The following PCDH15 variants were observed in gnomAD, a reference collection of about 807,000 sequenced individuals.
PCDH15 encodes the protein protocadherin related 15.
In PCDH15, 129 loss-of-function variants were observed where a neutral mutation model predicts 178.5. The observed-to-expected ratio is 0.72, with a 90% CI of 0.63 to 0.84. PCDH15 has a LOEUF of 0.84. PCDH15 is among the 40% of genes least tolerant of loss of function. The probability of loss-of-function intolerance (pLI) is 0.00; values close to 1 mark genes in which losing one functional copy is unlikely to be tolerated. For missense variants in PCDH15, 2,230 were observed against 2,099.9 expected (o/e 1.06, Z -1.21); for synonymous variants, 800 against 732.0 (o/e 1.09, Z -1.50).
Position 53,836,775 on chromosome 10 carries a change from T to C in PCDH15, c.3983+3545A>G, listed in dbSNP as rs148821616. ...CCTACAAAATATAAAACAACCATTT[T>C]CAAGAAATGAAGTAACAGAGCCAGA... On this transcript the variant is annotated intron_variant, in intron 29 of 37. Transcript: ENST00000644397. Among the ~76,000 whole-genome samples the C allele has an allele frequency of 3.3e-5, 5 of 152,258 alleles. No homozygotes were observed. In the East Asian group the frequency reaches 7.7e-4, roughly 24 times the overall value.
chr10:54,111,415 G>GA (rs982570091), intron 15 of PCDH15, among the ~76,000 whole-genome samples: 258 of 148,038 alleles, frequency 1.7e-3, no homozygotes, highest in Middle Eastern at 0.01. Flanking sequence ...AATTAGAAAG[G>GA]AAAAAAAAAA....
intron 18 of PCDH15, among the ~76,000 whole-genome samples, chr10:54,038,802 A>T (rs1694429037): frequency 1.3e-5 from 2 of 151,992 alleles, no homozygotes; most frequent in Admixed American, 1.3e-4. Flanking sequence ...CTTAGAGTAT[A>T]AAATCCTTGC....
At chr10:54,214,155 T>C in intron 9 of PCDH15, 107 bp from the exon 10 acceptor site, 3 of 686,612 alleles carry the variant, frequency 4.4e-6, no homozygotes, top group African/African-American at 3.6e-5. Context: ...ACAATTTCAT[T>C]AGTAAATTAA....
intron 3 of PCDH15, among the ~76,000 whole-genome samples, chr10:54,867,140 TG>T (rs1187919040): frequency 6.6e-6 from 1 of 152,132 alleles, no homozygotes; most frequent in Non-Finnish European, 1.5e-5. Context: ...AAGACTGGGC[TG>T]GGGGAATATC....
At chr10:55,343,624 G>A (rs1588936094) in intron 2 of PCDH15, among the ~76,000 whole-genome samples, 2 of 148,568 alleles carry the variant, frequency 1.3e-5, no homozygotes, top group Non-Finnish European at 3.0e-5. Flanking sequence ...AGCCCATCTT[G>A]AAAAAAAAAA....
chr10:55,398,766 G>T (rs1471504158), intron 2 of PCDH15, among the ~76,000 whole-genome samples: 1 of 151,968 alleles, frequency 6.6e-6, no homozygotes, highest in African/African-American at 2.4e-5. Flanking sequence ...CAAGTATTGG[G>T]GTTTTTTAAT....
chr10:54,515,435 T>G (rs1053452799), intron 3 of PCDH15, among the ~76,000 whole-genome samples: 6 of 152,164 alleles, frequency 3.9e-5, no homozygotes, highest in Non-Finnish European at 7.4e-5. Context: ...GGAGGGGCGC[T>G]GGCCATTGCC....
chr10:54,772,830 G>A (rs1949250663), intron 1 of PCDH15, among the ~76,000 whole-genome samples: 1 of 152,068 alleles, frequency 6.6e-6, no homozygotes, highest in Admixed American at 6.5e-5. Flanking sequence ...GTTAATTGCA[G>A]CCATATTCAC....
At chr10:54,234,786 T>C (rs575581132) in intron 9 of PCDH15, among the ~76,000 whole-genome samples, 1 of 152,344 alleles carries the variant, frequency 6.6e-6, no homozygotes, top group African/African-American at 2.4e-5. Context: ...TTATATCTAT[T>C]GTTTGGGACA....
intron 26 of PCDH15, 25 bp downstream of exon 26, chr10:53,903,218 T>C (rs1312623733): frequency 6.2e-7 from 1 of 1,611,096 alleles, no homozygotes. Flanking sequence ...ACTTTAGTTC[T>C]GTATATTAAC....
At chr10:55,210,689 C>T (rs2132170105) in intron 1 of PCDH15, among the ~76,000 whole-genome samples, 1 of 116,934 alleles carries the variant, frequency 8.6e-6, no homozygotes, top group East Asian at 2.8e-4. Flanking sequence ...AGTGTAGTGG[C>T]GCGATCTCGG....
chr10:54,166,832 C>A (rs900922998), intron 13 of PCDH15, among the ~76,000 whole-genome samples: 6 of 152,122 alleles, frequency 3.9e-5, no homozygotes, highest in African/African-American at 1.4e-4. Flanking sequence ...GTGTAAATGG[C>A]CAGTCCTTGC....
At chr10:54,196,211 C>T (rs531324514) in intron 10 of PCDH15, among the ~76,000 whole-genome samples, 2 of 152,134 alleles carry the variant, frequency 1.3e-5, no homozygotes, top group African/African-American at 4.8e-5. Flanking sequence ...GGAGTGAACT[C>T]GGCTCACTGC....
Position 54,010,068 on chromosome 10 carries a change from C to A in PCDH15, c.2751+10124G>T, listed in dbSNP as rs12412786. ...GATAAGGCCTACTGTCCATTCCAGC[C>A]CCACCTGAGTTCCTGGGTCGGGAGC... On this transcript the variant is annotated intron_variant, in intron 20 of 37. Coordinates refer to ENST00000644397, the MANE Select transcript of PCDH15 (RefSeq NM_001384140.1). Among the ~76,000 whole-genome samples, 1,047 of 152,296 alleles carry A rather than the reference C, an allele frequency of 6.9e-3. 9 individuals are homozygous for A. The highest frequency in any genetic ancestry group is 0.038 in the South Asian group (181 of 4,826).
At chr10:54,984,387 T>G (rs1839315109) in intron 2 of PCDH15, among the ~76,000 whole-genome samples, 1 of 152,184 alleles carries the variant, frequency 6.6e-6, no homozygotes. Context: ...AGAGAGATCC[T>G]GCCCCATGCC....
At chr10:55,611,893 G>T (rs2461901) in intron 2 of PCDH15, among the ~76,000 whole-genome samples, 101,748 of 151,902 alleles carry the variant, frequency 0.67, 34,516 homozygotes, top group African/African-American at 0.77. Flanking sequence ...CTAGAGGATC[G>T]TATGTAAAGT....
chr10:53,878,436 A>ATC (rs10643459), intron 26 of PCDH15, among the ~76,000 whole-genome samples: 1 of 20,864 alleles, frequency 4.8e-5, no homozygotes, highest in African/African-American at 9.7e-5. Flanking sequence ...ATATATATAT[A>ATC]TCTCCATATA....
chr10:54,515,042 C>A (rs537923513), intron 3 of PCDH15, among the ~76,000 whole-genome samples: 2 of 152,182 alleles, frequency 1.3e-5, no homozygotes, highest in African/African-American at 2.4e-5. Flanking sequence ...CAGTTCCCAG[C>A]GTGAGTGACG....
chr10:54,466,415 C>T (rs1370190526), intron 3 of PCDH15, among the ~76,000 whole-genome samples: 7 of 151,800 alleles, frequency 4.6e-5, no homozygotes, highest in Admixed American at 4.6e-4. Context: ...CTTGCCAACA[C>T]CATTTATTGA....
Sources: gnomAD v4.1 joint callset for allele counts (sites outside exome capture counted in the v4.1 genomes callset) on GRCh38, gnomAD v4.1.1 for gene constraint, MANE v1.5 for transcripts, NCBI Gene and HGNC (gene_info 2026-07-23, HGNC 2026-07-21) for gene names.